The following HTRA1 variants were observed in gnomAD, a reference collection of about 807,000 sequenced individuals.
The protein encoded by HTRA1 is serine protease HTRA1.
Under a neutral mutation model 49.7 loss-of-function variants are expected in HTRA1, and 26 were observed. That is an observed-to-expected ratio of 0.52 (90% CI 0.38 to 0.73). The LOEUF (loss-of-function observed/expected upper bound fraction) is 0.73, where lower values mean the gene tolerates loss of function less well. HTRA1 is among the 30% of genes least tolerant of loss of function. The pLI is 0.00. For missense variants in HTRA1, 561 were observed against 667.2 expected (o/e 0.84, Z 1.75); for synonymous variants, 291 against 286.9 (o/e 1.01, Z -0.14).
In HTRA1 at chr10:122,462,137, G is replaced by T; in HGVS notation, c.472+13G>T. 1.3e-6 allele frequency: 2 copies of T among 1,525,706 alleles called. No individual in the cohort carries two copies. The highest frequency in any genetic ancestry group is 1.8e-6 in the Non-Finnish European group (2 of 1,139,192). The allele number at this position is 1,525,706 out of a possible 1,614,324, so 94.5% of individuals were successfully genotyped here. ...GCCTGCGGCCAAGGTACTCCGCCGCGCTCCTGGGCAGCTCCCCACTCTCTC... is the reference window on the plus strand; with the variant it reads ...GCCTGCGGCCAAGGTACTCCGCCGCTCTCCTGGGCAGCTCCCCACTCTCTC... On this transcript the variant is annotated intron_variant, in intron 1 of 8. Coordinates refer to ENST00000368984, the MANE Select transcript of HTRA1 (RefSeq NM_002775.5).
In HTRA1 at chr10:122,487,347, G is replaced by A. The variant is rs144765507; in HGVS notation, c.473-1555G>A. 4.9e-3 allele frequency among the ~76,000 whole-genome samples: 750 copies of A among 152,254 alleles called. 6 individuals are homozygous for A. The highest frequency in any genetic ancestry group is 4.1e-3 in the Non-Finnish European group (279 of 68,022). ...GCAGCAGGTGGCAAGATTAGGAGCC[G>A]GAGTAGTAGGCTAAGGCTGCACTTC... On this transcript the variant is annotated intron_variant, in intron 1 of 8. Transcript: ENST00000368984. The surrounding 1 kb of genome is among the most constrained non-coding windows in gnomAD (Gnocchi z 4.8).
chr10:122,514,899 T>C lies in HTRA1; in HGVS notation c.*540T>C, dbSNP rs1202449062. On this transcript the variant is annotated 3_prime_UTR_variant, in exon 9 of 9. Transcript: ENST00000368984. Reference sequence around the variant, plus strand: ...GAGTTTGAGCTATTAAAGTACTTCTTACACATTGCTTTCTGTAGTGCTTAT... The same window carrying C: ...GAGTTTGAGCTATTAAAGTACTTCTCACACATTGCTTTCTGTAGTGCTTAT... 2.8e-5 allele frequency: 5 copies of C among 180,466 alleles called. No individual in the cohort carries two copies. In the South Asian group the frequency reaches 6.4e-4, roughly 23 times the overall value. 11.2% of individuals were successfully genotyped at this position (180,466 alleles called of 1,614,324 possible).
At chr10:122,512,116 G>A (rs1214881987) in intron 8 of HTRA1, 51 bp downstream of exon 8, 1 of 1,306,152 alleles carries the variant, frequency 7.7e-7, no homozygotes, top group South Asian at 1.2e-5. Context: ...GTTCCTGTGG[G>A]GGTAGCAGGA....
rs980354723 is a variant in HTRA1, at chr10:122,510,098, A to G, written c.1123A>G (p.Lys375Glu). ...TESHDRQAKG[K>E]AITKKKYIGI... ...CTGTCCCTTTGTTGTCTCACCAGGAAAAGCCATCACCAAGAAGAAGTATAT... is the reference window on the plus strand; with the variant it reads ...CTGTCCCTTTGTTGTCTCACCAGGAGAAGCCATCACCAAGAAGAAGTATAT... Residue 375 changes from lysine (K) to glutamate (E), a missense_variant and splice_region_variant, in exon 7 of 9, where the codon AAA becomes GAA. Lys to Glu is a moderately conservative substitution (Grantham distance 56). Transcript: ENST00000368984. 6.2e-7 allele frequency: 1 copy of G among 1,614,022 alleles called. No homozygotes were observed. The highest frequency in any genetic ancestry group is 8.5e-7 in the Non-Finnish European group (1 of 1,179,872).
At position 122,506,935 on chromosome 10, in the gene HTRA1, G is replaced by C. The variant is rs751497078; in HGVS notation, c.972+50G>C. ...GGGGATTGGGGCAGAGTTTTGCCAG[G>C]GGGAGAGGAGTCAGCATAGGTCTTA... On this transcript the variant is annotated intron_variant, in intron 4 of 8. Transcript: ENST00000368984. The surrounding 1 kb of genome is among the most constrained non-coding windows in gnomAD (Gnocchi z 5.2). 1.6e-5 allele frequency: 25 copies of C among 1,523,490 alleles called. No individual in the cohort carries two copies. The highest frequency in any genetic ancestry group is 2.2e-5 in the Non-Finnish European group (24 of 1,102,790). 94.4% of individuals were successfully genotyped at this position (1,523,490 alleles called of 1,614,324 possible).
intron 7 of HTRA1, 63 bp from the exon 8 acceptor site, chr10:122,511,907 G>A (rs2097505830): frequency 4.9e-6 from 6 of 1,227,070 alleles, no homozygotes; most frequent in Non-Finnish European, 7.2e-6. Flanking sequence ...TGAGAGCTGA[G>A]TTTTGCGTGA....
chr10:122,479,848 G>T (rs992616193), intron 1 of HTRA1, among the ~76,000 whole-genome samples: 2 of 152,112 alleles, frequency 1.3e-5, no homozygotes, highest in Admixed American at 1.3e-4. Flanking sequence ...GGCATTATCA[G>T]TTAGGGGGAG....
intron 1 of HTRA1, among the ~76,000 whole-genome samples, chr10:122,485,563 T>G (rs1591030926): frequency 6.6e-6 from 1 of 152,184 alleles, no homozygotes; most frequent in Admixed American, 6.5e-5. Flanking sequence ...GGCTGCTCAG[T>G]GGACTGAGGC....
At chr10:122,483,914 T>G (rs1363279821) in intron 1 of HTRA1, among the ~76,000 whole-genome samples, 2 of 152,250 alleles carry the variant, frequency 1.3e-5, no homozygotes. Context: ...TGACCTCTTA[T>G]CCTGTGACAT....
chr10:122,497,896 G>A (rs1381149731), intron 3 of HTRA1, among the ~76,000 whole-genome samples: 1 of 152,216 alleles, frequency 6.6e-6, no homozygotes, highest in Non-Finnish European at 1.5e-5. Context: ...GATGTATGGA[G>A]GAGACGCAAG....
chr10:122,472,896 A>T (rs2097486784), intron 1 of HTRA1, among the ~76,000 whole-genome samples: 1 of 152,178 alleles, frequency 6.6e-6, no homozygotes, highest in African/African-American at 2.4e-5. Flanking sequence ...TGGAATTTTT[A>T]TGGATCTGGT....
intron 8 of HTRA1, among the ~76,000 whole-genome samples, chr10:122,513,774 G>A (rs549274873): frequency 6.6e-6 from 1 of 151,252 alleles, no homozygotes; most frequent in South Asian, 2.1e-4. Context: ...TGTCACCCAG[G>A]CTGGAGTGCA....
chr10:122,507,934 A>G (rs1032019421), intron 5 of HTRA1, among the ~76,000 whole-genome samples: 6 of 135,964 alleles, frequency 4.4e-5, no homozygotes, highest in Non-Finnish European at 8.0e-5. Context: ...GCCTTAGAAC[A>G]CAGACCAGCA....
intron 3 of HTRA1, among the ~76,000 whole-genome samples, chr10:122,505,079 T>G (rs2097502486): frequency 6.6e-6 from 1 of 152,242 alleles, no homozygotes; most frequent in Admixed American, 6.5e-5. Context: ...CCAGCGGGTA[T>G]TCAAAGAGCT....
At chr10:122,481,393 A>ATG (rs1458373667) in intron 1 of HTRA1, among the ~76,000 whole-genome samples, 6 of 152,168 alleles carry the variant, frequency 3.9e-5, no homozygotes, top group Non-Finnish European at 5.9e-5. Context: ...GATGGGATAG[A>ATG]TGTGTGACAG....
intron 3 of HTRA1, among the ~76,000 whole-genome samples, chr10:122,496,225 G>GTTTTTTTTTTTTTT (rs1287521208): frequency 0.017 from 1,403 of 80,384 alleles, 570 homozygotes; most frequent in Middle Eastern, 0.041. Flanking sequence ...GAGATTGTGG[G>GTTTTTTTTTTTTTT]TTCTTTTTTT....
intron 4 of HTRA1, among the ~76,000 whole-genome samples, 179 bp downstream of exon 4, chr10:122,507,064 C>T (rs1455041845): frequency 7.2e-5 from 11 of 152,154 alleles, no homozygotes; most frequent in Non-Finnish European, 1.6e-4. Context: ...GGGACGGTGA[C>T]ACCGGAGCAG....
intron 1 of HTRA1, among the ~76,000 whole-genome samples, chr10:122,477,175 G>C (rs981778872): frequency 8.6e-5 from 13 of 151,970 alleles, no homozygotes; most frequent in South Asian, 8.3e-4. Flanking sequence ...CACTGTGTTA[G>C]CCAGGACGGT....
intron 6 of HTRA1, 70 bp downstream of exon 6, chr10:122,508,840 T>C (rs1212610181): frequency 2.1e-6 from 2 of 947,520 alleles, no homozygotes; most frequent in Non-Finnish European, 3.5e-6. Context: ...CTTTGGGACT[T>C]GGGGAAGGGA....
Sources: gnomAD v4.1 joint callset for allele counts (sites outside exome capture counted in the v4.1 genomes callset) on GRCh38, gnomAD v4.1.1 for gene constraint, Gnocchi (gnomAD v3.1) non-coding constraint, MANE v1.5 for transcripts, NCBI Gene and HGNC (gene_info 2026-07-23, HGNC 2026-07-21) for gene names.